Variants in EPB41L3 observed in about 807,000 individuals in gnomAD.
EPB41L3 encodes the protein erythrocyte membrane protein band 4.1 like 3.
In EPB41L3, 57 loss-of-function variants were observed where a neutral mutation model predicts 127.1. The ratio of observed to expected loss-of-function variants is 0.45; its 90% CI spans 0.36 to 0.56. EPB41L3 has a LOEUF of 0.56. EPB41L3 is among the 20% of genes least tolerant of loss of function. The probability of loss-of-function intolerance (pLI) is 0.00; values close to 1 mark genes in which losing one functional copy is unlikely to be tolerated. For synonymous variants in EPB41L3, 572 were observed against 549.5 expected (o/e 1.04, Z -0.57); for missense variants, 1,273 against 1,372.2 (o/e 0.93, Z 1.14).
intron 3 of EPB41L3, among the ~76,000 whole-genome samples, chr18:5,469,297 A>G (rs1300812260): frequency 6.6e-6 from 1 of 152,156 alleles, no homozygotes; most frequent in Non-Finnish European, 1.5e-5. Context: ...TGGCATCTCC[A>G]AGCTTCCGGG....
At chr18:5,550,871 A>G (rs896768750) in intron 3 of EPB41L3, among the ~76,000 whole-genome samples, 2 of 152,156 alleles carry the variant, frequency 1.3e-5, no homozygotes, top group African/African-American at 2.4e-5. Context: ...CTTCTCAATT[A>G]TAGGTTGAGA....
At chr18:5,590,311 A>C (rs1431111246) in intron 3 of EPB41L3, among the ~76,000 whole-genome samples, 1 of 152,166 alleles carries the variant, frequency 6.6e-6, no homozygotes, top group Non-Finnish European at 1.5e-5. Context: ...AGATAGTACC[A>C]AGGGTCTGTT....
intron 13 of EPB41L3, 133 bp from the exon 14 acceptor site, chr18:5,410,752 T>C: frequency 1.5e-6 from 1 of 661,096 alleles, no homozygotes; most frequent in Non-Finnish European, 2.7e-6. Flanking sequence ...TCACACTACC[T>C]TCTCACAAGA....
intron 3 of EPB41L3, among the ~76,000 whole-genome samples, chr18:5,583,911 C>T (rs182137572): frequency 2.5e-3 from 384 of 152,258 alleles, no homozygotes; most frequent in African/African-American, 8.6e-3. Context: ...CGGGTTCATG[C>T]GATTCTCCTG....
At chr18:5,561,144 A>AT (rs1448411004) in intron 3 of EPB41L3, among the ~76,000 whole-genome samples, 43 of 151,010 alleles carry the variant, frequency 2.8e-4, no homozygotes, top group Non-Finnish European at 3.8e-4. Context: ...CGCCCGGCTA[A>AT]TGTCTTGTAT....
intron 1 of EPB41L3, among the ~76,000 whole-genome samples, chr18:5,524,765 G>C (rs2093156945): frequency 6.6e-6 from 1 of 152,214 alleles, no homozygotes; most frequent in Admixed American, 6.5e-5. Flanking sequence ...TTCTAGTGGA[G>C]AATGTGTGGA....
Position 5,416,265 on chromosome 18 carries a change from T to G in EPB41L3, c.1620A>C (p.Pro540=). The change falls in exon 13 of 23, where the codon CCA becomes CCC. Residue 540 remains proline (P), a synonymous_variant. Coordinates refer to ENST00000341928, the MANE Select transcript of EPB41L3 (RefSeq NM_012307.5). ...RRCKENDCKL[P]GYEPSRAEHL... The stretch of plus-strand genomic sequence containing the variant: ...GCTCAGCTCTGGACGGCTCATAACC[T>G]GGCAGTTTGCAGTCATTCTCCTTAC... 3 of 1,614,056 alleles carry G rather than the reference T, an allele frequency of 1.9e-6. No homozygotes were observed. Among genetic ancestry groups the G allele is most frequent in the Non-Finnish European group, 2.5e-6 (3 of 1,180,016 alleles).
At chr18:5,566,762 CTATT>C (rs1361238584) in intron 3 of EPB41L3, among the ~76,000 whole-genome samples, 16 of 143,106 alleles carry the variant, frequency 1.1e-4, no homozygotes, top group Non-Finnish European at 2.1e-4. Context: ...CTATTCTATT[CTATT>C]CTATTCTATT....
intron 3 of EPB41L3, among the ~76,000 whole-genome samples, chr18:5,452,402 T>G (rs1599118622): frequency 6.8e-6 from 1 of 147,970 alleles, no homozygotes; most frequent in Non-Finnish European, 1.5e-5. Context: ...AGAGGCAGGG[T>G]CTCACTCTGT....
At chr18:5,488,919 T>C in intron 2 of EPB41L3, 82 bp downstream of exon 2, 1 of 1,434,644 alleles carries the variant, frequency 7.0e-7, no homozygotes, top group Non-Finnish European at 9.2e-7. Flanking sequence ...TAGCTGCCTC[T>C]AGGGCTAAGA....
chr18:5,482,632 G>A (rs934120952), intron 2 of EPB41L3, among the ~76,000 whole-genome samples: 6 of 152,082 alleles, frequency 3.9e-5, no homozygotes, highest in African/African-American at 1.4e-4. Context: ...AACAGGTAAA[G>A]GAGCTCCAAA....
chr18:5,531,420 C>A (rs1020764506), intron 1 of EPB41L3, among the ~76,000 whole-genome samples: 1 of 152,008 alleles, frequency 6.6e-6, no homozygotes, highest in African/African-American at 2.4e-5. Context: ...AATTGGGAAA[C>A]CTTTAAGAAA....
chr18:5,583,418 G>A lies in EPB41L3; in HGVS notation c.-306+28922C>T, dbSNP rs536890149. Among the ~76,000 whole-genome samples the A allele has an allele frequency of 3.9e-5, 6 of 152,204 alleles. No individual in the cohort carries two copies. The South Asian group carries it at 8.3e-4, about 21-fold the overall frequency. ...CAGCCCCAGTCATGACTCTTTAACC[G>A]GAACCACAGTCTATACAGGTCATTA... On this transcript the variant is annotated intron_variant, in intron 3 of 21. Transcript: ENST00000545076.
rs1224982181 is a variant in EPB41L3, at chr18:5,543,778, A to G, written c.-12+135T>C. On this transcript the variant is annotated intron_variant, in intron 1 of 22. Transcript: ENST00000341928. This position sits in a 1 kb window ranked among gnomAD's most constrained non-coding sequence, Gnocchi z 5.2. ...CCGGGCGCGGGGCTCGGGATTCGGGAGACCGCGCGGCGCCGAAGCCACGCG... is the reference window on the plus strand; with the variant it reads ...CCGGGCGCGGGGCTCGGGATTCGGGGGACCGCGCGGCGCCGAAGCCACGCG... 4 of 698,062 alleles carry G rather than the reference A, an allele frequency of 5.7e-6. No individual in the cohort carries two copies. 43.2% of individuals were successfully genotyped at this position (698,062 alleles called of 1,614,324 possible).
Position 5,543,160 on chromosome 18 carries a change from C to T in EPB41L3, c.-12+753G>A, listed in dbSNP as rs2093787870. Among the ~76,000 whole-genome samples, 1 of 151,182 alleles carries T rather than the reference C, an allele frequency of 6.6e-6. No individual in the cohort carries two copies. Among genetic ancestry groups the T allele is most frequent in the Non-Finnish European group, 1.5e-5 (1 of 67,640 alleles). ...CCCGGGTGCCAGAGGCGAGGGGCCC[C>T]GGCAGGTGCCCAGGCCCAGGGCAAC... is the stretch of plus-strand genomic sequence containing the variant. On this transcript the variant is annotated intron_variant, in intron 1 of 22. Transcript: ENST00000341928. This position sits in a 1 kb window ranked among gnomAD's most constrained non-coding sequence, Gnocchi z 5.2.
intron 3 of EPB41L3, among the ~76,000 whole-genome samples, chr18:5,449,553 T>C (rs1276665133): frequency 6.6e-6 from 1 of 152,228 alleles, no homozygotes; most frequent in Non-Finnish European, 1.5e-5. Flanking sequence ...TTATTCATAA[T>C]TGCCAAAACT....
intron 3 of EPB41L3, among the ~76,000 whole-genome samples, chr18:5,595,094 T>C (rs567903189): frequency 2.6e-5 from 4 of 152,284 alleles, no homozygotes; most frequent in African/African-American, 9.6e-5. Flanking sequence ...AGTAAAAATA[T>C]AGCTCAAAAT....
intron 3 of EPB41L3, among the ~76,000 whole-genome samples, chr18:5,451,862 G>T (rs368621556): frequency 6.6e-6 from 1 of 152,106 alleles, no homozygotes; most frequent in Non-Finnish European, 1.5e-5. Flanking sequence ...TTGCTTTGAC[G>T]GAGTCTCACT....
intron 1 of EPB41L3, among the ~76,000 whole-genome samples, chr18:5,491,636 G>A (rs1055888284): frequency 6.6e-6 from 1 of 152,076 alleles, no homozygotes; most frequent in Non-Finnish European, 1.5e-5. Context: ...ACAACTCACA[G>A]CAGCTCATAC....
Sources: gnomAD v4.1 joint callset for allele counts (sites outside exome capture counted in the v4.1 genomes callset) on GRCh38, gnomAD v4.1.1 for gene constraint, Gnocchi (gnomAD v3.1) non-coding constraint, MANE v1.5 for transcripts, NCBI Gene and HGNC (gene_info 2026-07-23, HGNC 2026-07-21) for gene names.